The following SAA2 variants were observed in gnomAD, a reference collection of about 807,000 sequenced individuals.
SAA2 encodes serum amyloid A-2 protein.
SAA2 carries 5 observed loss-of-function variants against 9.1 expected under a neutral mutation model. The ratio of observed to expected loss-of-function variants is 0.55; its 90% CI spans 0.29 to 1.16. The LOEUF (loss-of-function observed/expected upper bound fraction) is 1.16, where lower values mean the gene tolerates loss of function less well. Among genes scored for constraint, SAA2 ranks in the 50% most tolerant of loss-of-function variants. The pLI, the probability that SAA2 is intolerant of heterozygous loss-of-function variation, is 0.09. For missense variants in SAA2, 94 were observed against 153.8 expected (o/e 0.61, Z 2.06); for synonymous variants, 49 against 59.8 (o/e 0.82, Z 0.83).
intron 2 of SAA2, among the ~76,000 whole-genome samples, chr11:18,246,781 C>T (rs1857565165): frequency 6.6e-6 from 1 of 152,112 alleles, no homozygotes; most frequent in South Asian, 2.1e-4. Context: ...GATTCATCCA[C>T]CTTGGCCTCC....
At chr11:18,241,094 C>G (rs913392690), downstream of SAA2, among the ~76,000 whole-genome samples, 2 of 151,986 alleles carry the variant, frequency 1.3e-5, no homozygotes, top group African/African-American at 4.8e-5. Flanking sequence ...TACAAATGGC[C>G]AACAAAATAT....
chr11:18,238,912 CAT>C (rs1166571381), downstream of SAA2, among the ~76,000 whole-genome samples: 3 of 150,448 alleles, frequency 2.0e-5, no homozygotes, highest in Non-Finnish European at 1.5e-5. Context: ...TAAGTGAGAA[CAT>C]GTGATGTTTG....
exon 4 of SAA2, chr11:18,239,767 T>C: frequency 3.1e-6 from 2 of 635,124 alleles, no homozygotes; most frequent in East Asian, 3.2e-5. Context: ...GACACCACAC[T>C]GAGCCTTCAG....
chr11:18,239,101 G>C (rs919311206), downstream of SAA2: 6 of 152,046 alleles, frequency 3.9e-5, no homozygotes, highest in Non-Finnish European at 8.8e-5. Context: ...TTTGGAATTT[G>C]TCCTACCGTA....
intron 2 of SAA2, among the ~76,000 whole-genome samples, chr11:18,246,469 C>CTGTAT (rs1857542418): frequency 6.6e-6 from 1 of 152,248 alleles, no homozygotes. Context: ...GTAGGCTGTA[C>CTGTAT]TGATACTGTG....
At chr11:18,247,485 G>C (rs1185408219) in intron 2 of SAA2, among the ~76,000 whole-genome samples, 93 of 124,080 alleles carry the variant, frequency 7.5e-4, no homozygotes, top group Non-Finnish European at 1.3e-3. Flanking sequence ...TTCTTTCTCT[G>C]AGTAACTGAC....
At chr11:18,244,046 A>G (rs976273647), downstream of SAA2, among the ~76,000 whole-genome samples, 1 of 152,188 alleles carries the variant, frequency 6.6e-6, no homozygotes, top group African/African-American at 2.4e-5. Flanking sequence ...GTACAGGACA[A>G]CCAGTGGCAC....
chr11:18,242,555 A>T (rs1053744031), downstream of SAA2: 3 of 496,618 alleles, frequency 6.0e-6, no homozygotes, highest in Non-Finnish European at 1.1e-5. Flanking sequence ...AAAAATAAAT[A>T]TAACAGTAGG....
exon 4 of SAA2, chr11:18,239,901 G>T: frequency 6.5e-7 from 1 of 1,541,276 alleles, no homozygotes; most frequent in Non-Finnish European, 8.7e-7. Flanking sequence ...CTGGATCAAT[G>T]CCTGGGTCAT....
chr11:18,244,301 T>C (rs150790501), downstream of SAA2, among the ~76,000 whole-genome samples: 1 of 152,314 alleles, frequency 6.6e-6, no homozygotes, highest in African/African-American at 2.4e-5. Context: ...TTTGATAACC[T>C]ATCTCCTGCC....
At chr11:18,238,737 T>C (rs542182621), downstream of SAA2, among the ~76,000 whole-genome samples, 234 of 152,310 alleles carry the variant, frequency 1.5e-3, 1 homozygote, top group Middle Eastern at 3.4e-3. Context: ...CGTTGTGCTA[T>C]CAAATACTAG....
At chr11:18,240,576 T>C (rs1374166265), downstream of SAA2, among the ~76,000 whole-genome samples, 1 of 152,122 alleles carries the variant, frequency 6.6e-6, no homozygotes, top group Non-Finnish European at 1.5e-5. Flanking sequence ...TAAAACCCCA[T>C]ACATATAACC....
chr11:18,239,813 C>A (rs967573053), exon 4 of SAA2: 38 of 1,101,190 alleles, frequency 3.5e-5, no homozygotes, highest in Non-Finnish European at 4.1e-5. Context: ...GCTGAGGGAG[C>A]TCATCCATGC....
intron 3 of SAA2, 73 bp from the exon 4 acceptor site, chr11:18,245,588 C>G: frequency 6.3e-7 from 1 of 1,575,712 alleles, no homozygotes; most frequent in Non-Finnish European, 8.7e-7. Flanking sequence ...CCATTCTCCC[C>G]GTTCCAAGGG....
At chr11:18,245,678 A>C (rs553540401) in intron 3 of SAA2, among the ~76,000 whole-genome samples, 163 bp from the exon 4 acceptor site, 62 of 152,320 alleles carry the variant, frequency 4.1e-4, no homozygotes, top group African/African-American at 1.2e-3. Flanking sequence ...CCCCATTCAG[A>C]CAGGCTGGGC....
In SAA2 at chr11:18,246,146, C is replaced by T. The variant is rs375627268; in HGVS notation, c.92-98G>A. 6 of 1,487,880 alleles carry T rather than the reference C, an allele frequency of 4.0e-6. No homozygotes were observed. In the East Asian group the frequency reaches 1.0e-4, roughly 25 times the overall value. 92.2% of individuals were successfully genotyped at this position (1,487,880 alleles called of 1,614,324 possible). A position where few individuals can be genotyped will look rare whatever the true frequency, so the allele number is the denominator to read the frequency against. On this transcript the variant is annotated intron_variant, in intron 2 of 3. Transcript: ENST00000256733. ...GAAAGAAGGACAAATCTTCCACTGACTTCAAGCTTTCAGCCTGTGATCATA... is the reference window on the plus strand; with the variant it reads ...GAAAGAAGGACAAATCTTCCACTGATTTCAAGCTTTCAGCCTGTGATCATA...
downstream of SAA2, among the ~76,000 whole-genome samples, chr11:18,238,872 T>A (rs1857267688): frequency 6.6e-6 from 1 of 151,102 alleles, no homozygotes; most frequent in South Asian, 2.1e-4. Flanking sequence ...CTCCATGAAT[T>A]CAATTGTTTT....
chr11:18,240,363 T>A, downstream of SAA2: 4 of 697,856 alleles, frequency 5.7e-6, no homozygotes, highest in Middle Eastern at 9.2e-4. Context: ...ATAAGGCAGA[T>A]AAAAGAAGAG....
downstream of SAA2, among the ~76,000 whole-genome samples, chr11:18,244,258 C>A (rs1005968736): frequency 6.6e-6 from 1 of 152,228 alleles, no homozygotes; most frequent in African/African-American, 2.4e-5. Flanking sequence ...CACTCCAGAG[C>A]ACTGCCACTT....
Sources: gnomAD v4.1 joint callset for allele counts (sites outside exome capture counted in the v4.1 genomes callset) on GRCh38, gnomAD v4.1.1 for gene constraint, MANE v1.5 for transcripts, NCBI Gene and HGNC (gene_info 2026-07-23, HGNC 2026-07-21) for gene names.